The following STXBP6 variants were observed in gnomAD, a reference collection of about 807,000 sequenced individuals.
The protein encoded by STXBP6 is syntaxin-binding protein 6.
A neutral mutation model predicts 26.9 loss-of-function variants in STXBP6; 21 were observed. That is an observed-to-expected ratio of 0.78 (90% CI 0.55 to 1.12). STXBP6 has a LOEUF of 1.12. Ranked by LOEUF, STXBP6 falls within the 50% of genes most tolerant of loss-of-function variation. The pLI, the probability that STXBP6 is intolerant of heterozygous loss-of-function variation, is 0.00. For synonymous variants in STXBP6, 97 were observed against 92.6 expected (o/e 1.05, Z -0.27); for missense variants, 232 against 257.9 (o/e 0.90, Z 0.69).
intron 4 of STXBP6, among the ~76,000 whole-genome samples, chr14:24,849,008 T>G (rs575556687): frequency 6.6e-6 from 1 of 152,268 alleles, no homozygotes; most frequent in South Asian, 2.1e-4. Context: ...ATCAGATGGT[T>G]ACTTTGATGG....
In STXBP6 at chr14:24,987,936, A is replaced by G. The variant is rs182615540; in HGVS notation, c.-32-13086T>C. On this transcript the variant is annotated intron_variant, in intron 1 of 5. Coordinates refer to ENST00000323944, the MANE Select transcript of STXBP6 (RefSeq NM_001394410.1). Reference sequence around the variant, plus strand: ...AACGCTGAGGATACTGAGGAGAAGAAGAGCAACAAAGTACTTTCCCTCATG... The same window carrying G: ...AACGCTGAGGATACTGAGGAGAAGAGGAGCAACAAAGTACTTTCCCTCATG... 2.2e-4 allele frequency: 214 copies of G among 959,636 alleles called. 2 individuals are homozygous for G. The African/African-American group carries it at 3.6e-3, about 16-fold the overall frequency. 59.4% of individuals were successfully genotyped at this position (959,636 alleles called of 1,614,324 possible). A position where few individuals can be genotyped will look rare whatever the true frequency, so the allele number is the denominator to read the frequency against.
At chr14:25,026,645 C>T (rs1026970884) in intron 1 of STXBP6, among the ~76,000 whole-genome samples, 1 of 152,160 alleles carries the variant, frequency 6.6e-6, no homozygotes, top group Non-Finnish European at 1.5e-5. Flanking sequence ...GATGGTGGCT[C>T]CATACCACCT....
intron 1 of STXBP6, among the ~76,000 whole-genome samples, chr14:24,976,229 T>C (rs1395635803): frequency 6.6e-6 from 1 of 152,198 alleles, no homozygotes; most frequent in East Asian, 1.9e-4. Flanking sequence ...GGATCATCCT[T>C]CCCAATGCAA....
At chr14:24,916,731 T>A (rs1160266606) in intron 2 of STXBP6, among the ~76,000 whole-genome samples, 1 of 152,124 alleles carries the variant, frequency 6.6e-6, no homozygotes, top group Non-Finnish European at 1.5e-5. Context: ...TAAAGTGTGA[T>A]CCATGGATCA....
At chr14:24,975,044 C>CA (rs961603976) in intron 1 of STXBP6, among the ~76,000 whole-genome samples, 194 bp from the exon 2 acceptor site, 1 of 151,778 alleles carries the variant, frequency 6.6e-6, no homozygotes, top group African/African-American at 2.4e-5. Context: ...AAAATAAAGA[C>CA]AAAAAGGGGG....
intron 4 of STXBP6, among the ~76,000 whole-genome samples, chr14:24,822,736 A>C (rs1047948201): frequency 2.0e-5 from 3 of 152,130 alleles, no homozygotes; most frequent in Admixed American, 2.0e-4. Context: ...CATCTCACCC[A>C]GTTCCATTGC....
At chr14:25,011,229 AAG>A (rs199987924) in intron 1 of STXBP6, among the ~76,000 whole-genome samples, 22,535 of 152,164 alleles carry the variant, frequency 0.15, 1,889 homozygotes, top group African/African-American at 0.22. Context: ...CAGAACCACA[AAG>A]TAATTATGAC....
At chr14:24,954,603 A>G (rs1157753854) in intron 2 of STXBP6, among the ~76,000 whole-genome samples, 1 of 152,202 alleles carries the variant, frequency 6.6e-6, no homozygotes, top group African/African-American at 2.4e-5. Context: ...GTGCGACCAC[A>G]GATGTGGAAC....
At chr14:24,990,609 G>T (rs1056842515) in intron 1 of STXBP6, among the ~76,000 whole-genome samples, 1 of 133,338 alleles carries the variant, frequency 7.5e-6, no homozygotes, top group Admixed American at 8.5e-5. Flanking sequence ...AGTGAGTCGA[G>T]ATCATGCCAT....
At chr14:24,980,803 T>G (rs1345430224) in intron 1 of STXBP6, among the ~76,000 whole-genome samples, 1 of 152,166 alleles carries the variant, frequency 6.6e-6, no homozygotes, top group African/African-American at 2.4e-5. Flanking sequence ...ATAATGGGGA[T>G]ATGAATAAAA....
chr14:24,904,181 A>C (rs2071309390), intron 2 of STXBP6, among the ~76,000 whole-genome samples: 1 of 152,168 alleles, frequency 6.6e-6, no homozygotes, highest in African/African-American at 2.4e-5. Context: ...ACTGAAGTAA[A>C]GTTATCTTCC....
intron 2 of STXBP6, among the ~76,000 whole-genome samples, chr14:24,948,085 T>C (rs1352656614): frequency 6.6e-6 from 1 of 152,142 alleles, no homozygotes; most frequent in Non-Finnish European, 1.5e-5. Flanking sequence ...GAGTGCTACA[T>C]CCATGAAGAT....
intron 2 of STXBP6, among the ~76,000 whole-genome samples, chr14:24,952,954 G>T (rs2073221175): frequency 6.6e-6 from 1 of 152,170 alleles, no homozygotes; most frequent in Non-Finnish European, 1.5e-5. Flanking sequence ...ACAAAGACAT[G>T]TTCCTGCTCA....
At chr14:24,934,208 T>C (rs574605901) in intron 2 of STXBP6, among the ~76,000 whole-genome samples, 3 of 152,314 alleles carry the variant, frequency 2.0e-5, no homozygotes, top group East Asian at 1.9e-4. Flanking sequence ...TTATAGAGTA[T>C]ACAGGTTAAT....
intron 2 of STXBP6, among the ~76,000 whole-genome samples, chr14:24,959,280 G>C (rs193246651): frequency 4.7e-4 from 71 of 152,256 alleles, no homozygotes; most frequent in African/African-American, 1.6e-3. Flanking sequence ...GAAGAGAAAG[G>C]GTCATCTTAG....
chr14:24,854,744 C>A (rs1188651268), intron 4 of STXBP6, among the ~76,000 whole-genome samples: 1 of 152,030 alleles, frequency 6.6e-6, no homozygotes, highest in East Asian at 1.9e-4. Flanking sequence ...GTGGCGCAGA[C>A]ATGATACAGA....
intron 4 of STXBP6, among the ~76,000 whole-genome samples, chr14:24,850,022 A>T (rs1250889979): frequency 6.6e-6 from 1 of 152,130 alleles, no homozygotes; most frequent in Non-Finnish European, 1.5e-5. Context: ...AGAAGGAAAA[A>T]TAACATAAAA....
rs184201125 is a variant in STXBP6, at chr14:25,000,282, C to T, written c.-32-25432G>A. 2.6e-5 allele frequency among the ~76,000 whole-genome samples: 4 copies of T among 151,974 alleles called. No homozygotes were observed. In the East Asian group the frequency reaches 7.8e-4, roughly 30 times the overall value. On this transcript the variant is annotated intron_variant, in intron 1 of 5. Transcript: ENST00000323944. ...GTTTCACCATGTTAGCCAGGATGGT[C>T]TCGATCTCCTGACCTCGTGATACGC...
intron 4 of STXBP6, among the ~76,000 whole-genome samples, chr14:24,837,368 G>A (rs1369337618): frequency 1.3e-5 from 2 of 152,064 alleles, no homozygotes; most frequent in African/African-American, 4.8e-5. Context: ...ACTTAAGTTC[G>A]GGGGTAGAAT....
Sources: gnomAD v4.1 joint callset for allele counts (sites outside exome capture counted in the v4.1 genomes callset) on GRCh38, gnomAD v4.1.1 for gene constraint, MANE v1.5 for transcripts, NCBI Gene and HGNC (gene_info 2026-07-23, HGNC 2026-07-21) for gene names.